The following PTPRK variants were observed in gnomAD, a reference collection of about 807,000 sequenced individuals.
The protein encoded by PTPRK is protein tyrosine phosphatase receptor type K, also known as receptor-type tyrosine-protein phosphatase kappa.
PTPRK carries 75 observed loss-of-function variants against 178.0 expected under a neutral mutation model. The observed-to-expected ratio is 0.42, with a 90% CI of 0.35 to 0.51. The LOEUF is 0.51. Ranked by LOEUF, PTPRK falls within the 20% of genes least tolerant of loss-of-function variation. The pLI is 0.02. For synonymous variants in PTPRK, 637 were observed against 620.6 expected, an observed-to-expected ratio of 1.03 and a Z score of -0.39; for missense variants, 1,441 against 1,797.8, an observed-to-expected ratio of 0.80 and a Z score of 3.59.
At chr6:128,105,292 C>T (rs1789528266) in intron 7 of PTPRK, among the ~76,000 whole-genome samples, 1 of 152,110 alleles carries the variant, frequency 6.6e-6, no homozygotes, top group South Asian at 2.1e-4. Context: ...CGCCACCACG[C>T]CCTGCTATTT....
intron 20 of PTPRK, 144 bp downstream of exon 20, chr6:127,991,150 G>T (rs1384193283): frequency 1.7e-6 from 1 of 605,056 alleles, no homozygotes; most frequent in East Asian, 3.0e-5. Flanking sequence ...AGCCAGTCAA[G>T]GTCTACTTAG....
intron 2 of PTPRK, among the ~76,000 whole-genome samples, chr6:128,337,302 TCCA>T (rs1195258293): frequency 1.3e-5 from 2 of 152,168 alleles, no homozygotes; most frequent in Non-Finnish European, 1.5e-5. Context: ...AAGCTGATAC[TCCA>T]TCAGTGGAAG....
intron 5 of PTPRK, among the ~76,000 whole-genome samples, chr6:128,227,167 A>C (rs1257621295): frequency 6.6e-6 from 1 of 152,174 alleles, no homozygotes; most frequent in African/African-American, 2.4e-5. Flanking sequence ...AACAAGAACA[A>C]AGAAACAAAC....
intron 1 of PTPRK, among the ~76,000 whole-genome samples, chr6:128,464,648 T>TACATATAC (rs1457390149): frequency 2.1e-5 from 2 of 93,976 alleles, no homozygotes; most frequent in Non-Finnish European, 4.1e-5. Flanking sequence ...CATATATATA[T>TACATATAC]ATATATATAT....
chr6:128,053,102 T>A (rs1240300533), intron 13 of PTPRK, among the ~76,000 whole-genome samples: 1 of 151,794 alleles, frequency 6.6e-6, no homozygotes, highest in East Asian at 1.9e-4. Flanking sequence ...ATATTTTCCA[T>A]CAGTATGTTG....
At chr6:128,308,751 C>T (rs1826809821) in intron 3 of PTPRK, among the ~76,000 whole-genome samples, 1 of 152,200 alleles carries the variant, frequency 6.6e-6, no homozygotes, top group South Asian at 2.1e-4. Context: ...CGAAGTCCAG[C>T]TATGAAGAAC....
intron 1 of PTPRK, among the ~76,000 whole-genome samples, chr6:128,430,940 CTT>C (rs577140756): frequency 1.0e-4 from 14 of 136,938 alleles, no homozygotes; most frequent in Admixed American, 2.2e-4. Context: ...TAATTTTTTT[CTT>C]TTTTTTTTTT....
chr6:128,091,178 C>T (rs544898296), intron 7 of PTPRK, among the ~76,000 whole-genome samples: 1 of 152,122 alleles, frequency 6.6e-6, no homozygotes, highest in African/African-American at 2.4e-5. Context: ...AATTTATCTT[C>T]GGTAGAATCT....
intron 5 of PTPRK, among the ~76,000 whole-genome samples, chr6:128,232,951 T>C (rs1346313873): frequency 6.6e-6 from 1 of 152,262 alleles, no homozygotes; most frequent in Non-Finnish European, 1.5e-5. Flanking sequence ...ATTATGTATT[T>C]AATCAAGTTG....
At chr6:128,360,468 G>C (rs1157985525) in intron 2 of PTPRK, among the ~76,000 whole-genome samples, 1 of 152,132 alleles carries the variant, frequency 6.6e-6, no homozygotes, top group Non-Finnish European at 1.5e-5. Context: ...ACAAAACATT[G>C]AGATGTGATG....
rs1822767210 is a variant in PTPRK at position 128,287,905 on chromosome 6, C to T, written c.495+34134G>A. 4.6e-5 allele frequency among the ~76,000 whole-genome samples: 7 copies of T among 151,836 alleles called. 1 individual carries two copies. Among genetic ancestry groups the T allele is most frequent in the Admixed American group, 4.6e-4 (7 of 15,230 alleles). ...TAGTTTCTTTCATTTTTTAAAAAGC[C>T]TTCTGATCATGATTATCCTGTGGCT... On this transcript the variant is annotated intron_variant, in intron 3 of 29. Coordinates refer to ENST00000368226, the MANE Select transcript of PTPRK (RefSeq NM_002844.4).
At chr6:128,208,418 G>A (rs1807378879) in intron 6 of PTPRK, among the ~76,000 whole-genome samples, 1 of 151,972 alleles carries the variant, frequency 6.6e-6, no homozygotes, top group South Asian at 2.1e-4. Context: ...GAAGCCTGTA[G>A]AGAGTTTGCT....
intron 13 of PTPRK, among the ~76,000 whole-genome samples, chr6:128,017,937 C>T (rs1206505681): frequency 6.7e-6 from 1 of 150,014 alleles, no homozygotes. Flanking sequence ...TGCAGAGGTC[C>T]TCTGAGAACC....
intron 3 of PTPRK, among the ~76,000 whole-genome samples, chr6:128,244,375 T>C (rs141141769): frequency 6.6e-6 from 1 of 152,076 alleles, no homozygotes; most frequent in Non-Finnish European, 1.5e-5. Context: ...GTGAGTAAGA[T>C]GGCATAAGAA....
At chr6:128,352,310 C>T (rs1833290494) in intron 2 of PTPRK, among the ~76,000 whole-genome samples, 1 of 134,228 alleles carries the variant, frequency 7.5e-6, no homozygotes, top group Non-Finnish European at 1.6e-5. Context: ...AACCCTAAAA[C>T]AAACATAAAC....
intron 14 of PTPRK, among the ~76,000 whole-genome samples, chr6:128,007,104 C>T (rs1778522262): frequency 6.6e-6 from 1 of 150,580 alleles, no homozygotes; most frequent in Non-Finnish European, 1.5e-5. Context: ...TTAAGCTATA[C>T]TTGATGATAA....
chr6:127,995,590 A>C (rs916653401), intron 17 of PTPRK, 52 bp from the exon 18 acceptor site: 1 of 1,133,368 alleles, frequency 8.8e-7, no homozygotes, highest in African/African-American at 1.6e-5. Context: ...CCCTGTTCTG[A>C]GACAATGTCA....
intron 1 of PTPRK, among the ~76,000 whole-genome samples, chr6:128,466,036 T>C (rs1203699865): frequency 6.6e-6 from 1 of 152,154 alleles, no homozygotes; most frequent in African/African-American, 2.4e-5. Flanking sequence ...CTCTTCTGAA[T>C]TTGGGATCCT....
At chr6:128,175,120 G>A (rs1013272199) in intron 7 of PTPRK, among the ~76,000 whole-genome samples, 3 of 151,872 alleles carry the variant, frequency 2.0e-5, no homozygotes, top group African/African-American at 7.2e-5. Context: ...AGATACTCAT[G>A]TAAAAGAAAA....
Sources: allele counts gnomAD v4.1 joint callset (sites outside exome capture counted in the v4.1 genomes callset), GRCh38; gene constraint gnomAD v4.1.1; transcripts MANE v1.5; gene names NCBI Gene and HGNC (gene_info 2026-07-23, HGNC 2026-07-21).